Variants in SIGLEC5 observed in about 807,000 individuals in gnomAD.
SIGLEC5 encodes sialic acid-binding Ig-like lectin 5.
In SIGLEC5, 34 loss-of-function variants were observed where a neutral mutation model predicts 45.9. That is an observed-to-expected ratio of 0.74 (90% CI 0.56 to 0.99). The LOEUF is 0.99. Among genes scored for constraint, SIGLEC5 ranks in the 50% least tolerant of loss-of-function variants. The probability of loss-of-function intolerance (pLI) is 0.00; values close to 1 mark genes in which losing one functional copy is unlikely to be tolerated. For synonymous variants in SIGLEC5, 203 were observed against 258.6 expected, an observed-to-expected ratio of 0.79 and a Z score of 2.06; for missense variants, 508 against 629.6, an observed-to-expected ratio of 0.81 and a Z score of 2.07.
rs891582121 is a variant in SIGLEC5 at position 51,616,693 on chromosome 19, C to G, written c.1465-4271G>C. Reference sequence around the variant, plus strand: ...TTGGAAGGCCAAGGCAGGCAGATCACTTGAGGTCAGGAGTTCAAGATCAGC... The same window carrying G: ...TTGGAAGGCCAAGGCAGGCAGATCAGTTGAGGTCAGGAGTTCAAGATCAGC... On this transcript the variant is annotated intron_variant, in intron 8 of 8. Coordinates refer to ENST00000683636, the MANE Select transcript of SIGLEC5 (RefSeq NM_003830.4). 1.1e-4 allele frequency among the ~76,000 whole-genome samples: 16 copies of G among 152,018 alleles called. No individual in the cohort carries two copies. The East Asian group carries it at 3.1e-3, about 30-fold the overall frequency.
At chr19:51,614,973 C>A (rs1273146550) in intron 8 of SIGLEC5, among the ~76,000 whole-genome samples, 1 of 152,122 alleles carries the variant, frequency 6.6e-6, no homozygotes, top group Non-Finnish European at 1.5e-5. Flanking sequence ...AACAAAAAAA[C>A]AGAGAGGTTC....
chr19:51,615,773 C>T (rs1356433857), intron 8 of SIGLEC5, among the ~76,000 whole-genome samples: 1 of 152,234 alleles, frequency 6.6e-6, no homozygotes, highest in South Asian at 2.1e-4. Context: ...TGGGGCTTGT[C>T]CCAGTCATTT....
At chr19:51,626,917 T>C (rs983424752) in intron 7 of SIGLEC5, among the ~76,000 whole-genome samples, 3 of 152,182 alleles carry the variant, frequency 2.0e-5, no homozygotes, top group African/African-American at 4.8e-5. Flanking sequence ...TTTGTTTTTC[T>C]TTTAAGACAG....
chr19:51,621,048 G>C (rs953406503), intron 8 of SIGLEC5: 26 of 152,080 alleles, frequency 1.7e-4, no homozygotes, highest in African/African-American at 6.3e-4. Context: ...CTATATACTA[G>C]TTATTTGAAC....
chr19:51,618,338 T>A (rs1983142416), intron 8 of SIGLEC5, among the ~76,000 whole-genome samples: 1 of 139,658 alleles, frequency 7.2e-6, no homozygotes, highest in Non-Finnish European at 1.5e-5. Flanking sequence ...TGGGAGAAAA[T>A]GAAAAAGTAT....
At chr19:51,613,574 C>T (rs1292995264) in intron 8 of SIGLEC5, among the ~76,000 whole-genome samples, 1 of 152,070 alleles carries the variant, frequency 6.6e-6, no homozygotes, top group Admixed American at 6.5e-5. Context: ...TATACATTTC[C>T]TGTGAACTCA....
chr19:51,628,448 G>A (rs1157158877), intron 4 of SIGLEC5, among the ~76,000 whole-genome samples: 3 of 152,202 alleles, frequency 2.0e-5, no homozygotes, highest in Non-Finnish European at 2.9e-5. Flanking sequence ...GAGCTGGGCT[G>A]ACTGAGATGA....
At chr19:51,623,371 CTACGCA>C (rs1421924115) in intron 8 of SIGLEC5, among the ~76,000 whole-genome samples, 1 of 151,978 alleles carries the variant, frequency 6.6e-6, no homozygotes, top group African/African-American at 2.4e-5. Context: ...TGAAGACAAG[CTACGCA>C]TTGGGAGAAG....
chr19:51,627,904 T>C lies in SIGLEC5; in HGVS notation c.927A>G (p.Glu309=), dbSNP rs1983560100. ...GCTGAGCGCGGCAGGTGAAGCCTCC[T>C]TCTTCTGCAGACCTTACTCGACGAA... ...LELRRVRSAE[E]GGFTCRAQHP... The change falls in exon 5 of 9, where the codon GAA becomes GAG. Residue 309 remains glutamate, a synonymous_variant. Transcript: ENST00000683636. 3.7e-6 allele frequency: 6 copies of C among 1,613,920 alleles called. No homozygotes were observed. Among genetic ancestry groups the C allele is most frequent in the African/African-American group, 1.3e-5 (1 of 74,930 alleles).
rs149243374 is a variant in SIGLEC5 at position 51,628,003 on chromosome 19, A to AG, written c.827dup (p.Ala277CysfsTer71). 3.5e-3 allele frequency: 5,674 copies of AG among 1,611,828 alleles called. 22 individuals carry two copies. Among genetic ancestry groups the AG allele is most frequent in the South Asian group, 3.7e-3 (337 of 90,864 alleles). ...AGCCCTGGAACCAGCTCAGGTGTGC[A>AG]GGGGGGTTGCTGGGAGCATCACAGA... is the stretch of plus-strand genomic sequence containing the variant. On this transcript the variant is annotated frameshift_variant, in exon 5 of 9. Transcript: ENST00000683636. LOFTEE classifies it high-confidence loss of function.
intron 8 of SIGLEC5, chr19:51,621,407 G>A (rs1442547583): frequency 3.9e-5 from 6 of 152,224 alleles, no homozygotes; most frequent in Non-Finnish European, 8.8e-5. Context: ...TTAGGTTTGC[G>A]TGTCCTCACT....
At chr19:51,618,921 C>T (rs1320529393) in intron 8 of SIGLEC5, among the ~76,000 whole-genome samples, 1 of 150,966 alleles carries the variant, frequency 6.6e-6, no homozygotes, top group Non-Finnish European at 1.5e-5. Context: ...AAAAGTACAT[C>T]AAATATAAGA....
chr19:51,627,252 C>T lies in SIGLEC5; in HGVS notation c.1283-4G>A, dbSNP rs1372951458. The T allele has an allele frequency of 6.2e-7, 1 of 1,613,244 alleles. No individual in the cohort carries two copies. The highest frequency in any genetic ancestry group is 8.5e-7 in the Non-Finnish European group (1 of 1,179,412). Reference sequence around the variant, plus strand: ...CCTGTCCCGAGGTTCGATCTCCCTGCAGAAAAGAGGGGCGTGCAATAACTC... The same window carrying T: ...CCTGTCCCGAGGTTCGATCTCCCTGTAGAAAAGAGGGGCGTGCAATAACTC... On this transcript the variant is annotated splice_polypyrimidine_tract_variant and splice_region_variant and intron_variant, in intron 6 of 8. Coordinates refer to ENST00000683636, the MANE Select transcript of SIGLEC5 (RefSeq NM_003830.4).
At chr19:51,625,279 T>G (rs565696288) in intron 8 of SIGLEC5, among the ~76,000 whole-genome samples, 9 of 152,260 alleles carry the variant, frequency 5.9e-5, no homozygotes, top group Non-Finnish European at 1.3e-4. Flanking sequence ...CGGGGCAGGA[T>G]CAGAGGACAG....
intron 6 of SIGLEC5, 23 bp from the exon 7 acceptor site, chr19:51,627,271 A>G (rs1409960482): frequency 3.7e-6 from 6 of 1,602,384 alleles, no homozygotes; most frequent in South Asian, 1.1e-5. Context: ...GGGGCGTGCA[A>G]TAACTCACTC....
At chr19:51,622,434 C>A (rs1344289198) in intron 8 of SIGLEC5, among the ~76,000 whole-genome samples, 2 of 150,552 alleles carry the variant, frequency 1.3e-5, no homozygotes, top group Non-Finnish European at 3.0e-5. Flanking sequence ...CCACCGCGCC[C>A]GGCCTTGACA....
chr19:51,619,038 A>C (rs563414226), intron 8 of SIGLEC5, among the ~76,000 whole-genome samples: 2 of 152,358 alleles, frequency 1.3e-5, no homozygotes, highest in South Asian at 2.1e-4. Context: ...ATCTGTTGAC[A>C]TCTGAAGATT....
chr19:51,612,470 G>A, intron 8 of SIGLEC5, 48 bp from the exon 9 acceptor site: 1 of 1,354,014 alleles, frequency 7.4e-7, no homozygotes, highest in Non-Finnish European at 1.0e-6. Flanking sequence ...AAAGAGGCAG[G>A]TGTAGAATAA....
Position 51,630,222 on chromosome 19 carries a change from G to A in SIGLEC5, c.38-6C>T. 3.2e-6 allele frequency: 2 copies of A among 630,350 alleles called. No homozygotes were observed. Among genetic ancestry groups the A allele is most frequent in the Non-Finnish European group, 4.9e-6 (2 of 411,082 alleles). The allele number at this position is 630,350 out of a possible 1,614,324, so 39.0% of individuals were successfully genotyped here. ...TGGCTTCTCCTGCAGGGACCCTGGG[G>A]GGACACAGAAGCTCAGCTGCAGCTC... On this transcript the variant is annotated splice_polypyrimidine_tract_variant and splice_region_variant and intron_variant, in intron 1 of 8. Coordinates refer to ENST00000683636, the MANE Select transcript of SIGLEC5 (RefSeq NM_003830.4).
Sources: gnomAD v4.1 joint callset for allele counts (sites outside exome capture counted in the v4.1 genomes callset) on GRCh38, gnomAD v4.1.1 for gene constraint, MANE v1.5 for transcripts, NCBI Gene and HGNC (gene_info 2026-07-23, HGNC 2026-07-21) for gene names.